SLF1: variants seen among roughly 807,000 people sequenced by gnomAD.
SLF1 encodes SMC5-SMC6 complex localization factor protein 1.
A neutral mutation model predicts 123.0 loss-of-function variants in SLF1; 105 were observed. The ratio of observed to expected loss-of-function variants is 0.85; its 90% confidence interval spans 0.73 to 1.00. The LOEUF (loss-of-function observed/expected upper bound fraction) is 1.00. Among genes scored for constraint, SLF1 ranks in the 50% least tolerant of loss-of-function variants. The probability of loss-of-function intolerance (pLI) is 0.00; values close to 1 mark genes in which losing one functional copy is unlikely to be tolerated. For missense variants in SLF1, 1,239 were observed against 1,223.0 expected, an observed-to-expected ratio of 1.01 and a Z score of -0.20; for synonymous variants, 434 against 406.6, an observed-to-expected ratio of 1.07 and a Z score of -0.81.
chr5:94,661,458 C>T (rs1255350437), intron 9 of SLF1, among the ~76,000 whole-genome samples: 1 of 152,046 alleles, frequency 6.6e-6, no homozygotes, highest in Non-Finnish European at 1.5e-5. Context: ...CTGTTTTAGT[C>T]CTTTGTGGAA....
At chr5:94,676,609 A>T (rs891501204) in intron 14 of SLF1, among the ~76,000 whole-genome samples, 4 of 151,936 alleles carry the variant, frequency 2.6e-5, no homozygotes, top group Non-Finnish European at 4.4e-5. Flanking sequence ...AGCTTTTAAA[A>T]ATCTCCTCAG....
rs1159448466 is a variant in SLF1 at position 94,689,610 on chromosome 5, T to G, written c.2419+4T>G. On this transcript the variant is annotated splice_donor_region_variant and intron_variant, in intron 18 of 20. Coordinates refer to ENST00000265140, the MANE Select transcript of SLF1 (RefSeq NM_032290.4). The stretch of plus-strand genomic sequence containing the variant: ...TTTCACAAGACTAATCTAAAAGGTA[T>G]TCCAAGTATTTAAATTAATTTATGC... 3.1e-6 allele frequency: 5 copies of G among 1,600,238 alleles called. No individual in the cohort carries two copies. The highest frequency in any genetic ancestry group is 3.4e-6 in the Non-Finnish European group (4 of 1,172,506).
chr5:94,655,709 T>G (rs1242189428), intron 9 of SLF1, among the ~76,000 whole-genome samples: 1 of 152,080 alleles, frequency 6.6e-6, no homozygotes, highest in Non-Finnish European at 1.5e-5. Context: ...TTTTTAGAGC[T>G]CTTCTAAATG....
intron 18 of SLF1, chr5:94,691,181 GA>G (rs1723089634): frequency 5.2e-6 from 1 of 191,538 alleles, no homozygotes; most frequent in Admixed American, 6.1e-5. Flanking sequence ...ATAAATTTAA[GA>G]GAGGGCAATT....
At chr5:94,689,996 G>A (rs1465652804) in intron 18 of SLF1, among the ~76,000 whole-genome samples, 2 of 152,110 alleles carry the variant, frequency 1.3e-5, no homozygotes, top group African/African-American at 4.8e-5. Flanking sequence ...TAGACATTTT[G>A]TGAACAAAGA....
chr5:94,697,478 GAAGAC>G lies in SLF1; in HGVS notation c.*2170_*2174del, dbSNP rs1313040443. 1 of 151,838 alleles carries G rather than the reference GAAGAC, an allele frequency of 6.6e-6. No individual in the cohort carries two copies. The highest frequency in any genetic ancestry group is 1.5e-5 in the Non-Finnish European group (1 of 67,870). 9.4% of individuals were successfully genotyped at this position (151,838 alleles called of 1,614,324 possible). Reference sequence around the variant, plus strand: ...TGGCAGACTTTTCAAAGTTGCATCTGAAGACAAGGTTGAGAAATGCTATTCTTCAC... The same window carrying G: ...TGGCAGACTTTTCAAAGTTGCATCTGAAGGTTGAGAAATGCTATTCTTCAC... On this transcript the variant is annotated 3_prime_UTR_variant, in exon 21 of 21. Transcript: ENST00000265140.
Position 94,630,662 on chromosome 5 carries a change from G to T in SLF1, c.350G>T (p.Arg117Leu), listed in dbSNP as rs544115651. 6.4e-7 allele frequency: 1 copy of T among 1,551,686 alleles called. No individual in the cohort carries two copies. The highest frequency in any genetic ancestry group is 1.2e-5 in the South Asian group (1 of 84,066). Residue 117 changes from arginine to leucine, a missense_variant, in exon 4 of 21, where the codon CGC (arginine) becomes CTC (leucine). Coordinates refer to ENST00000265140, the MANE Select transcript of SLF1 (RefSeq NM_032290.4). ...APKRWREELKRTGAPGAFHRW... is the reference protein window; with the variant it reads ...APKRWREELKLTGAPGAFHRW... ...AAAAGATGGCGTGAAGAACTGAAAC[G>T]CACTGGTGCTCCAGGAGCCTTCCAC... is the stretch of plus-strand genomic sequence containing the variant.
chr5:94,665,541 G>A (rs1749649645), intron 11 of SLF1, among the ~76,000 whole-genome samples: 1 of 152,144 alleles, frequency 6.6e-6, no homozygotes, highest in Admixed American at 6.5e-5. Context: ...ACAAGGTCGG[G>A]AGTTCAAGAC....
intron 15 of SLF1, among the ~76,000 whole-genome samples, chr5:94,680,602 G>T (rs2152494434): frequency 6.6e-6 from 1 of 152,306 alleles, no homozygotes; most frequent in South Asian, 2.1e-4. Context: ...AGTGGCTTTA[G>T]AGATTATCAG....
At chr5:94,619,479 C>G (rs551782954) in intron 1 of SLF1, among the ~76,000 whole-genome samples, 20 of 151,862 alleles carry the variant, frequency 1.3e-4, no homozygotes, top group Non-Finnish European at 2.8e-4. Flanking sequence ...TCCAAAGCCT[C>G]AGATTAAATA....
intron 15 of SLF1, 104 bp downstream of exon 15, chr5:94,679,059 T>C: frequency 1.5e-6 from 2 of 1,355,852 alleles, no homozygotes; most frequent in Admixed American, 2.2e-5. Flanking sequence ...TTTGAAACTT[T>C]CCTTAAAATA....
intron 4 of SLF1, among the ~76,000 whole-genome samples, chr5:94,634,110 A>G (rs983402574): frequency 6.6e-6 from 1 of 152,172 alleles, no homozygotes; most frequent in African/African-American, 2.4e-5. Context: ...CCAATTACTG[A>G]TAGAATAATT....
intron 8 of SLF1, among the ~76,000 whole-genome samples, chr5:94,653,868 A>G (rs1748060242): frequency 6.7e-6 from 1 of 148,346 alleles, no homozygotes; most frequent in Non-Finnish European, 1.5e-5. Context: ...TTTTTTTTTT[A>G]ACGATCTAAA....
intron 4 of SLF1, among the ~76,000 whole-genome samples, chr5:94,635,337 CTTTTTTTTTT>C (rs34524874): frequency 2.5e-4 from 11 of 43,904 alleles, no homozygotes; most frequent in African/African-American, 8.9e-4. Flanking sequence ...ACATACTCGG[CTTTTTTTTTT>C]TTTTTTTTTT....
intron 9 of SLF1, among the ~76,000 whole-genome samples, chr5:94,661,901 C>T (rs746404489): frequency 1.1e-4 from 17 of 151,820 alleles, no homozygotes; most frequent in Admixed American, 2.6e-4. Flanking sequence ...TTTAAATATG[C>T]AATTATGGGT....
At chr5:94,657,561 C>G (rs1274809458) in intron 9 of SLF1, among the ~76,000 whole-genome samples, 1 of 151,964 alleles carries the variant, frequency 6.6e-6, no homozygotes, top group Non-Finnish European at 1.5e-5. Context: ...TTCATTTGTT[C>G]TAAAGTGCAG....
intron 7 of SLF1, among the ~76,000 whole-genome samples, chr5:94,652,976 G>A (rs1403957173): frequency 6.6e-6 from 1 of 152,140 alleles, no homozygotes; most frequent in Non-Finnish European, 1.5e-5. Flanking sequence ...ACCTGCCTCA[G>A]CCTCCCAAGT....
chr5:94,684,693 G>A (rs889040562), intron 15 of SLF1, among the ~76,000 whole-genome samples: 77 of 86,256 alleles, frequency 8.9e-4, no homozygotes, highest in Non-Finnish European at 1.4e-3. Flanking sequence ...GCGAGACTCT[G>A]TCTCAAAAAA....
chr5:94,653,103 C>T (rs865868059), intron 7 of SLF1, among the ~76,000 whole-genome samples, 169 bp from the exon 8 acceptor site: 4 of 152,130 alleles, frequency 2.6e-5, no homozygotes, highest in Admixed American at 6.5e-5. Context: ...GTGATCCGCC[C>T]GCCTTGGCCT....
Sources: gnomAD v4.1 joint callset for allele counts (sites outside exome capture counted in the v4.1 genomes callset) on GRCh38, gnomAD v4.1.1 for gene constraint, MANE v1.5 for transcripts, NCBI Gene and HGNC (gene_info 2026-07-23, HGNC 2026-07-21) for gene names.